L1CAM: variants seen among roughly 807,000 people sequenced by gnomAD.
The protein encoded by L1CAM is neural cell adhesion molecule L1.
L1CAM carries 8 observed loss-of-function variants against 93.0 expected under a neutral mutation model. That is an observed-to-expected ratio of 0.09 (90% CI 0.05 to 0.16). The LOEUF is 0.16. L1CAM is among the 10% of genes least tolerant of loss of function. The pLI is 1.00. For synonymous variants in L1CAM, 453 were observed against 453.0 expected (o/e 1.00, Z 0.00); for missense variants, 777 against 1,073.4 (o/e 0.72, Z 3.86).
At chrX:153,867,931 T>C in intron 15 of L1CAM, 21 bp from the exon 16 acceptor site, 1 of 1,209,597 alleles carries the variant, frequency 8.3e-7, no homozygotes, top group Non-Finnish European at 1.1e-6. Flanking sequence ...GGAGGGTCGG[T>C]GCTTGAAAGG....
Position 153,863,359 on chromosome X carries a change from C to G in L1CAM, c.3542+9G>C. 1 of 1,210,845 alleles carries G rather than the reference C, an allele frequency of 8.3e-7. No individual in the cohort carries two copies. The highest frequency in any genetic ancestry group is 2.3e-4 in the Middle Eastern group (1 of 4,316). ...TGCTGTTGGCCCCTCCCCACCGCCCCTGCCTTACCTCTCCAGGGACCTGAA... is the reference window on the plus strand; with the variant it reads ...TGCTGTTGGCCCCTCCCCACCGCCCGTGCCTTACCTCTCCAGGGACCTGAA... On this transcript the variant is annotated intron_variant, in intron 28 of 28. Transcript: ENST00000370060.
At chrX:153,873,689 T>C (rs782773240) in intron 2 of L1CAM, among the ~76,000 whole-genome samples, 1 of 112,424 alleles carries the variant, frequency 8.9e-6, no homozygotes, top group East Asian at 2.8e-4. Context: ...CTAATCCAAT[T>C]AGCACAGCTG....
rs782540218 is a variant in L1CAM, at chrX:153,873,725, C to T, written c.77-483G>A. Among the ~76,000 whole-genome samples, 4 of 112,567 alleles carry T rather than the reference C, an allele frequency of 3.6e-5. No homozygotes were observed. In the East Asian group the frequency reaches 1.1e-3, roughly 32 times the overall value. ...AGTGTTTTCAATTACCAGGGCCCAG[C>T]CTTCAGAGCCCTGCTGCCCCCTCCC... On this transcript the variant is annotated intron_variant, in intron 2 of 28. Coordinates refer to ENST00000370060, the MANE Select transcript of L1CAM (RefSeq NM_001278116.2).
At chrX:153,884,294 C>A (rs2064865504) in intron 1 of L1CAM, 2 of 981,885 alleles carry the variant, frequency 2.0e-6, no homozygotes, top group Non-Finnish European at 2.7e-6. Context: ...TCTTCACTGG[C>A]TGCAGGGCAG....
chrX:153,870,603 T>C, intron 7 of L1CAM, 104 bp from the exon 8 acceptor site: 1 of 799,982 alleles, frequency 1.3e-6, no homozygotes, highest in African/African-American at 2.0e-5. Context: ...GGCCTCTGTG[T>C]CTTCCTCCAT....
chrX:153,869,148 T>G (rs2064743932), intron 11 of L1CAM, 196 bp from the exon 12 acceptor site: 2 of 459,728 alleles, frequency 4.4e-6, no homozygotes, highest in Non-Finnish European at 7.7e-6. Flanking sequence ...GATGCGCCTC[T>G]GGTCACAGCC....
chrX:153,865,196 C>T lies in L1CAM; in HGVS notation c.2764G>A (p.Glu922Lys). 8.3e-6 allele frequency: 10 copies of T among 1,208,976 alleles called. No homozygotes were observed. Among genetic ancestry groups the T allele is most frequent in the Non-Finnish European group, 1.1e-5 (10 of 894,668 alleles). The change falls in exon 22 of 29, where the codon GAG becomes AAG. Residue 922 changes from glutamate to lysine, a missense_variant. Physicochemically the swap from Glu to Lys is moderately conservative, Grantham distance 56 (BLOSUM62 1). Around this residue, in one of 5 missense-constraint regions of L1CAM, gnomAD observed 4 missense variants for 20.3 expected, o/e 0.20. Transcript: ENST00000370060. ...STPEGVPGHPEALHLECQSNT... is the reference protein window; with the variant it reads ...STPEGVPGHPKALHLECQSNT... The stretch of plus-strand genomic sequence containing the variant: ...GACTGGCACTCCAGGTGCAACGCCT[C>T]GGGGTGGCCAGGCACTGCAGGGCAC...
At chrX:153,869,989 C>G (rs1197190518) in intron 9 of L1CAM, 55 bp from the exon 10 acceptor site, 1 of 1,209,094 alleles carries the variant, frequency 8.3e-7, no homozygotes, top group Admixed American at 2.2e-5. Context: ...GGCTCTTGAC[C>G]CGGCGCAGAC....
chrX:153,872,139 C>T lies in L1CAM; in HGVS notation c.400+13G>A, dbSNP rs2064776291. 5.0e-6 allele frequency: 6 copies of T among 1,195,796 alleles called. No homozygotes were observed. Among genetic ancestry groups the T allele is most frequent in the Non-Finnish European group, 6.8e-6 (6 of 881,914 alleles). ...CGGGACCTGCCCTCCCTGGTCCCTG[C>T]AGCGCCTCGCACCCTCGGCCATGAG... is the stretch of plus-strand genomic sequence containing the variant. On this transcript the variant is annotated intron_variant, in intron 5 of 28. Coordinates refer to ENST00000370060, the MANE Select transcript of L1CAM (RefSeq NM_001278116.2).
At position 153,862,903 on chromosome X, in the gene L1CAM, G is replaced by A. The variant is rs1245776791; in HGVS notation, c.3543-9C>T. The A allele has an allele frequency of 2.0e-5, 24 of 1,192,084 alleles. No individual in the cohort carries two copies. Among genetic ancestry groups the A allele is most frequent in the Non-Finnish European group, 2.6e-5 (23 of 880,921 alleles). On this transcript the variant is annotated splice_polypyrimidine_tract_variant and intron_variant, in intron 28 of 28. Coordinates refer to ENST00000370060, the MANE Select transcript of L1CAM (RefSeq NM_001278116.2). The stretch of plus-strand genomic sequence containing the variant: ...CCTTCTCCTCGTTGTCACTGCAGAG[G>A]CACAGGGCAGGTGCGAGTGAGAGCA...
At position 153,863,354 on chromosome X, in the gene L1CAM, C is replaced by T. The variant is rs782488294; in HGVS notation, c.3542+14G>A. ...GACCTTGCTGTTGGCCCCTCCCCAC[C>T]GCCCCTGCCTTACCTCTCCAGGGAC... On this transcript the variant is annotated intron_variant, in intron 28 of 28. Coordinates refer to ENST00000370060, the MANE Select transcript of L1CAM (RefSeq NM_001278116.2). 3.2e-5 allele frequency: 39 copies of T among 1,207,126 alleles called. No homozygotes were observed. In the Admixed American group the frequency reaches 7.0e-4, roughly 22 times the overall value.
chrX:153,880,687 G>T, intron 1 of L1CAM: 1 of 339,986 alleles, frequency 2.9e-6, no homozygotes, highest in Non-Finnish European at 5.9e-6. Context: ...TGGCTGGCGG[G>T]TTTCTATGGT....
chrX:153,885,350 T>A (rs1209435350), intron 1 of L1CAM: 1 of 977,832 alleles, frequency 1.0e-6, no homozygotes, highest in African/African-American at 2.0e-5. Context: ...ACTCCAGCCC[T>A]GACTGGCCAC....
At chrX:153,883,807 G>A (rs1470408009) in intron 1 of L1CAM, 1 of 343,026 alleles carries the variant, frequency 2.9e-6, no homozygotes, top group Non-Finnish European at 5.9e-6. Context: ...CCTGGAGCCT[G>A]GGCCACTCTG....
intron 1 of L1CAM, 176 bp downstream of exon 1, chrX:153,885,889 C>T: frequency 1.2e-6 from 1 of 841,478 alleles, no homozygotes. Context: ...CGCTTACAGC[C>T]CGCGGTGCCC....
In L1CAM at chrX:153,872,829, G is replaced by A. The variant is rs888348972; in HGVS notation, c.92-132C>T. The A allele has an allele frequency of 2.2e-4, 122 of 550,349 alleles. No homozygotes were observed. In the African/African-American group the frequency reaches 2.6e-3, roughly 12 times the overall value. 45.4% of individuals were successfully genotyped at this position (550,349 alleles called of 1,213,427 possible). On this transcript the variant is annotated intron_variant, in intron 3 of 28. Coordinates refer to ENST00000370060, the MANE Select transcript of L1CAM (RefSeq NM_001278116.2). ...CCCCATGGCCACAGGGGGACGAACG[G>A]AGGGGAAGAACAAAAGAGGCTTGTG...
chrX:153,865,372 G>A lies in L1CAM; in HGVS notation c.2676C>T (p.His892=). The change falls in exon 21 of 29, where the codon CAC becomes CAT. Residue 892 remains histidine (H), a synonymous_variant. Transcript: ENST00000370060. ...GCCCGTTAAAGGCCTGCACCTCCAGGTGGTAGGAGCTATAGGGCCGCAAGC... is the reference window on the plus strand; with the variant it reads ...GCCCGTTAAAGGCCTGCACCTCCAGATGGTAGGAGCTATAGGGCCGCAAGC... The part of the protein sequence containing the change: ...LSGLRPYSSY[H]LEVQAFNGRG... 1 of 1,211,600 alleles carries A rather than the reference G, an allele frequency of 8.3e-7. No individual in the cohort carries two copies. Among genetic ancestry groups the A allele is most frequent in the African/African-American group, 1.7e-5 (1 of 57,884 alleles).
At position 153,883,194 on chromosome X, in the gene L1CAM, G is replaced by C. The variant is rs76624066; in HGVS notation, c.-109+2871C>G. ...TCAAGGGTGAGGCAGGGGCAGCTGG[G>C]GGGGACAAGGAGAGGAGCAGAGCGG... On this transcript the variant is annotated intron_variant, in intron 1 of 28. Coordinates refer to ENST00000370060, the MANE Select transcript of L1CAM (RefSeq NM_001278116.2). 4.5e-5 allele frequency among the ~76,000 whole-genome samples: 5 copies of C among 111,554 alleles called. No individual in the cohort carries two copies. In the East Asian group the frequency reaches 1.4e-3, roughly 32 times the overall value.
In L1CAM at chrX:153,864,694, A is replaced by C. The variant is rs200815347; in HGVS notation, c.3057T>G (p.Asp1019Glu). 7.3e-5 allele frequency: 88 copies of C among 1,210,814 alleles called. No individual in the cohort carries two copies. The highest frequency in any genetic ancestry group is 8.4e-5 in the Non-Finnish European group (75 of 895,321). The change falls in exon 24 of 29, where the codon GAT (aspartate) becomes GAG (glutamate). Residue 1019 changes from aspartate (D) to glutamate (E), a missense_variant. Coordinates refer to ENST00000370060, the MANE Select transcript of L1CAM (RefSeq NM_001278116.2). ...GGTMALSGIS[D>E]FGNISATAGE... Reference sequence around the variant, plus strand: ...CCGCTGTGGCTGAGATGTTGCCAAAATCTGAGATCCCTGGGGGGATGCAGG... The same window carrying C: ...CCGCTGTGGCTGAGATGTTGCCAAACTCTGAGATCCCTGGGGGGATGCAGG...
Sources: allele counts gnomAD v4.1 joint callset (sites outside exome capture counted in the v4.1 genomes callset), GRCh38; gene constraint gnomAD v4.1.1; regional missense constraint gnomAD v4.1.1; transcripts MANE v1.5; gene names NCBI Gene and HGNC (gene_info 2026-07-23, HGNC 2026-07-21).